TMTC4: variants seen among roughly 807,000 people sequenced by gnomAD.
TMTC4 encodes transmembrane O-mannosyltransferase targeting cadherins 4, also known as protein O-mannosyl-transferase TMTC4.
A neutral mutation model predicts 86.0 loss-of-function variants in TMTC4; 65 were observed. The observed-to-expected ratio is 0.76, with a 90% CI of 0.62 to 0.93. The LOEUF is 0.93. Ranked by LOEUF, TMTC4 falls within the 40% of genes least tolerant of loss-of-function variation. The pLI is 0.00. For synonymous variants in TMTC4, 379 were observed against 382.5 expected, an observed-to-expected ratio of 0.99 and a Z score of 0.11; for missense variants, 866 against 948.1, an observed-to-expected ratio of 0.91 and a Z score of 1.14.
At chr13:100,632,244 T>C (rs1458330596) in intron 12 of TMTC4, among the ~76,000 whole-genome samples, 2 of 152,142 alleles carry the variant, frequency 1.3e-5, no homozygotes, top group Non-Finnish European at 2.9e-5. Flanking sequence ...CCTGGGCACA[T>C]CACCATACCA....
chr13:100,668,386 C>T (rs1018195596), intron 3 of TMTC4, 193 bp downstream of exon 3: 3 of 609,386 alleles, frequency 4.9e-6, no homozygotes, highest in South Asian at 2.0e-5. Flanking sequence ...GGGTTCAGAA[C>T]CTTGGTGCCA....
At chr13:100,634,683 C>G in intron 12 of TMTC4, 122 bp downstream of exon 12, 1 of 1,222,072 alleles carries the variant, frequency 8.2e-7, no homozygotes, top group Non-Finnish European at 1.1e-6. Flanking sequence ...CAAAGAAAAA[C>G]CCAAGTATTC....
intron 15 of TMTC4, among the ~76,000 whole-genome samples, chr13:100,615,779 T>C (rs1878385811): frequency 6.6e-6 from 1 of 152,218 alleles, no homozygotes; most frequent in South Asian, 2.1e-4. Context: ...AGATTCAGAA[T>C]GTACATGTGC....
chr13:100,636,200 G>A (rs1421024423), intron 10 of TMTC4, among the ~76,000 whole-genome samples: 1 of 152,238 alleles, frequency 6.6e-6, no homozygotes, highest in East Asian at 1.9e-4. Context: ...GCAATAATGG[G>A]CACAACACAC....
At chr13:100,645,635 C>G (rs1341688971) in intron 6 of TMTC4, among the ~76,000 whole-genome samples, 1 of 152,154 alleles carries the variant, frequency 6.6e-6, no homozygotes, top group African/African-American at 2.4e-5. Context: ...AAGTCCCTGA[C>G]TGCCGCTGTG....
chr13:100,639,490 T>C (rs1189938200), intron 7 of TMTC4, among the ~76,000 whole-genome samples: 1 of 152,246 alleles, frequency 6.6e-6, no homozygotes, highest in Non-Finnish European at 1.5e-5. Flanking sequence ...CAGGTTCATG[T>C]GGTGAAGAGG....
chr13:100,623,476 G>A (rs989598241), intron 15 of TMTC4, among the ~76,000 whole-genome samples: 6 of 152,060 alleles, frequency 3.9e-5, no homozygotes, highest in East Asian at 3.9e-4. Flanking sequence ...CAAGTGATCC[G>A]CCCGCCTTGG....
At position 100,625,667 on chromosome 13, in the gene TMTC4, A is replaced by G. The variant is rs938928400; in HGVS notation, c.1704T>C (p.Phe568=). 2 of 1,614,036 alleles carry G rather than the reference A, an allele frequency of 1.2e-6. No homozygotes were observed. Among genetic ancestry groups the G allele is most frequent in the African/African-American group, 1.3e-5 (1 of 74,948 alleles). The change falls in exon 15 of 19, where the codon TTT becomes TTC. Residue 568 remains phenylalanine, a synonymous_variant. Transcript: ENST00000342624. ...TGCCTAGATTCATCCACGCAGCGGC[A>G]AAGTCTGGCCTAGAGGAGCAGTTTT... The part of the protein sequence containing the change: ...LSLAVQIQPD[F]AAAWMNLGIV...
intron 18 of TMTC4, among the ~76,000 whole-genome samples, chr13:100,606,136 A>C (rs1465689826): frequency 6.6e-6 from 1 of 152,212 alleles, no homozygotes; most frequent in Non-Finnish European, 1.5e-5. Flanking sequence ...CATCATGAGA[A>C]GGTAATAGAG....
chr13:100,628,507 C>T lies in TMTC4; in HGVS notation c.1507-2357G>A, dbSNP rs533706217. On this transcript the variant is annotated intron_variant, in intron 12 of 18. Transcript: ENST00000342624. ...TGCTTTCGGTCCTTTTGGATATTTG[C>T]CTGGAAATTGAATTGTTGGATCACA... is the stretch of plus-strand genomic sequence containing the variant. Among the ~76,000 whole-genome samples the T allele has an allele frequency of 2.0e-5, 3 of 152,050 alleles. No homozygotes were observed. In the South Asian group the frequency reaches 6.2e-4, roughly 32 times the overall value.
intron 5 of TMTC4, among the ~76,000 whole-genome samples, chr13:100,662,633 G>A (rs911031985): frequency 2.0e-5 from 3 of 152,074 alleles, no homozygotes; most frequent in South Asian, 2.1e-4. Context: ...TTTAACATCC[G>A]TGCCTTCACA....
Position 100,642,250 on chromosome 13 carries a change from T to C in TMTC4, c.702A>G (p.Ala234=). The C allele has an allele frequency of 1.9e-6, 3 of 1,614,220 alleles. No homozygotes were observed. The highest frequency in any genetic ancestry group is 2.5e-6 in the Non-Finnish European group (3 of 1,180,040). Residue 234 remains alanine (A), a synonymous_variant, in exon 7 of 19, where the codon GCA becomes GCG. Coordinates refer to ENST00000342624, the MANE Select transcript of TMTC4 (RefSeq NM_032813.5). ...FWVLLSIFLG[A]VAMLCKEQGI... ...CTTGCTCTTTGCACAGCATGGCCAC[T>C]GCTCCCAGAAAGATACTCAGCAGCA...
At chr13:100,645,682 G>A (rs1280885411) in intron 6 of TMTC4, among the ~76,000 whole-genome samples, 1 of 152,220 alleles carries the variant, frequency 6.6e-6, no homozygotes. Flanking sequence ...CCGTAGATTA[G>A]GTTAGGCCCA....
intron 5 of TMTC4, among the ~76,000 whole-genome samples, chr13:100,658,829 T>A (rs1885427514): frequency 6.6e-6 from 1 of 152,214 alleles, no homozygotes; most frequent in Non-Finnish European, 1.5e-5. Flanking sequence ...GTATGGGAAG[T>A]GTTTTAAAGC....
intron 6 of TMTC4, among the ~76,000 whole-genome samples, chr13:100,648,628 T>C (rs969607250): frequency 6.6e-6 from 1 of 152,220 alleles, no homozygotes; most frequent in African/African-American, 2.4e-5. Flanking sequence ...AGTTTGCCTA[T>C]TTAAAGCCAA....
chr13:100,631,773 G>C (rs1423441714), intron 12 of TMTC4, among the ~76,000 whole-genome samples: 1 of 151,844 alleles, frequency 6.6e-6, no homozygotes. Flanking sequence ...TGAAATAATG[G>C]GACTGAAGGA....
rs529958063 is a variant in TMTC4, at chr13:100,626,712, A to C, written c.1507-562T>G. ...CAAAGTCTAGTCACATGTGGACATG[A>C]GTAGAAGAAAGCATGATTCTGTCCA... On this transcript the variant is annotated intron_variant, in intron 12 of 18. Coordinates refer to ENST00000342624, the MANE Select transcript of TMTC4 (RefSeq NM_032813.5). Among the ~76,000 whole-genome samples the C allele has an allele frequency of 3.3e-5, 5 of 152,330 alleles. No homozygotes were observed. The South Asian group carries it at 6.2e-4, about 19-fold the overall frequency.
chr13:100,669,256 A>C (rs1218541882), intron 2 of TMTC4, among the ~76,000 whole-genome samples: 3 of 152,026 alleles, frequency 2.0e-5, no homozygotes, highest in African/African-American at 7.3e-5. Context: ...CTGCTTCTGA[A>C]AGAGCTTATG....
chr13:100,630,802 G>C (rs1345010542), intron 12 of TMTC4, among the ~76,000 whole-genome samples: 1 of 152,220 alleles, frequency 6.6e-6, no homozygotes, highest in Non-Finnish European at 1.5e-5. Flanking sequence ...TATAGACAGT[G>C]TTCTGTTAGA....
Sources: gnomAD v4.1 joint callset for allele counts (sites outside exome capture counted in the v4.1 genomes callset) on GRCh38, gnomAD v4.1.1 for gene constraint, MANE v1.5 for transcripts, NCBI Gene and HGNC (gene_info 2026-07-23, HGNC 2026-07-21) for gene names.